The following GAS2 variants were observed in gnomAD, a reference collection of about 807,000 sequenced individuals.
The protein encoded by GAS2 is growth arrest-specific protein 2.
A neutral mutation model predicts 37.5 loss-of-function variants in GAS2; 20 were observed. That is an observed-to-expected ratio of 0.53 (90% CI 0.37 to 0.77). The LOEUF (loss-of-function observed/expected upper bound fraction) is 0.77, where lower values mean the gene tolerates loss of function less well. GAS2 is among the 30% of genes least tolerant of loss of function. The pLI is 0.00. For missense variants in GAS2, 336 were observed against 373.4 expected, an observed-to-expected ratio of 0.90 and a Z score of 0.82; for synonymous variants, 144 against 132.2, an observed-to-expected ratio of 1.09 and a Z score of -0.61.
chr11:22,686,487 G>A (rs764312798), intron 3 of GAS2, among the ~76,000 whole-genome samples: 4 of 140,628 alleles, frequency 2.8e-5, no homozygotes, highest in Admixed American at 7.8e-5. Context: ...AGGCTGAGGC[G>A]GGCAGATCAC....
intron 3 of GAS2, among the ~76,000 whole-genome samples, chr11:22,707,491 C>T (rs1851184725): frequency 6.6e-6 from 1 of 152,136 alleles, no homozygotes; most frequent in Admixed American, 6.6e-5. Context: ...TGACTCTCAG[C>T]TGATCTAGAC....
chr11:22,645,701 T>A lies in GAS2; in HGVS notation c.-21+19888T>A, dbSNP rs1438194467. On this transcript the variant is annotated intron_variant, in intron 1 of 5. Coordinates refer to the GAS2 transcript ENST00000528582. ...CCAAATAAATAAAGAATGTCAAATT[T>A]TATAGTGAAAATTTTTGTTAGTCAA... 7.2e-5 allele frequency among the ~76,000 whole-genome samples: 11 copies of A among 151,974 alleles called. 1 individual carries two copies. Among genetic ancestry groups the A allele is most frequent in the Admixed American group, 7.2e-4 (11 of 15,236 alleles).
At chr11:22,638,736 T>C (rs1858872701) in intron 1 of GAS2, among the ~76,000 whole-genome samples, 1 of 152,164 alleles carries the variant, frequency 6.6e-6, no homozygotes, top group Admixed American at 6.6e-5. Context: ...TTATTTTTAC[T>C]CTGAACAATA....
Position 22,740,985 on chromosome 11 carries a change from G to A in GAS2, c.473+3217G>A, listed in dbSNP as rs544230339. ...TTTGTGTTTTTCATCATTGATAGAC[G>A]ATGTATTCTTATATTTGATTCTAAA... is the stretch of plus-strand genomic sequence containing the variant. On this transcript the variant is annotated intron_variant, in intron 5 of 7. Transcript: ENST00000454584. Among the ~76,000 whole-genome samples the A allele has an allele frequency of 2.6e-5, 4 of 152,218 alleles. No individual in the cohort carries two copies. In the South Asian group the frequency reaches 6.2e-4, roughly 24 times the overall value.
intron 5 of GAS2, among the ~76,000 whole-genome samples, chr11:22,744,357 A>G (rs1164452915): frequency 6.6e-6 from 1 of 152,060 alleles, no homozygotes; most frequent in African/African-American, 2.4e-5. Context: ...AAAGAAAACT[A>G]CAGGCCAATA....
intron 5 of GAS2, among the ~76,000 whole-genome samples, chr11:22,741,174 C>A (rs1335548714): frequency 6.6e-6 from 1 of 152,074 alleles, no homozygotes. Flanking sequence ...CTGAATGAGA[C>A]CACTTATTTT....
chr11:22,686,172 A>G (rs1216875414), intron 3 of GAS2, among the ~76,000 whole-genome samples: 1 of 152,226 alleles, frequency 6.6e-6, no homozygotes, highest in Non-Finnish European at 1.5e-5. Context: ...TTATGGCAGA[A>G]TACTAGAACA....
intron 4 of GAS2, among the ~76,000 whole-genome samples, chr11:22,728,843 C>T (rs1472278168): frequency 6.7e-6 from 1 of 150,052 alleles, no homozygotes; most frequent in Non-Finnish European, 1.5e-5. Context: ...ATAAGAAGTT[C>T]CATTTCCACA....
At chr11:22,643,844 A>G (rs887729270) in intron 1 of GAS2, among the ~76,000 whole-genome samples, 16 of 152,200 alleles carry the variant, frequency 1.1e-4, no homozygotes, top group African/African-American at 1.7e-4. Context: ...ACCTGCCAGG[A>G]AGGACATTTT....
chr11:22,661,823 T>C (rs1848920287), upstream of GAS2, among the ~76,000 whole-genome samples: 1 of 152,198 alleles, frequency 6.6e-6, no homozygotes, highest in South Asian at 2.1e-4. Flanking sequence ...TCACTTTTTA[T>C]TGATTTTCCC....
chr11:22,633,040 G>A (rs1409889400), intron 1 of GAS2, among the ~76,000 whole-genome samples: 1 of 151,492 alleles, frequency 6.6e-6, no homozygotes, highest in Non-Finnish European at 1.5e-5. Flanking sequence ...TCAACCTCTT[G>A]AACTCTTTAT....
At position 22,705,456 on chromosome 11, in the gene GAS2, A is replaced by G. The variant is rs73480090; in HGVS notation, c.267+19667A>G. Among the ~76,000 whole-genome samples, 561 of 152,328 alleles carry G rather than the reference A, an allele frequency of 3.7e-3. 3 individuals carry two copies. The highest frequency in any genetic ancestry group is 0.012 in the African/African-American group (485 of 41,580). On this transcript the variant is annotated intron_variant, in intron 3 of 7. Transcript: ENST00000454584. ...CAGACTTTTCAACTGCTAAACATTTATTGAATGCTAACTGTGTACAAGATC... is the reference window on the plus strand; with the variant it reads ...CAGACTTTTCAACTGCTAAACATTTGTTGAATGCTAACTGTGTACAAGATC...
In GAS2 at chr11:22,652,113, C is replaced by T; in HGVS notation, c.-20-22737C>T. 1.3e-5 allele frequency among the ~76,000 whole-genome samples: 2 copies of T among 152,100 alleles called. 1 individual carries two copies. Among genetic ancestry groups the T allele is most frequent in the East Asian group, 3.9e-4 (2 of 5,182 alleles). On this transcript the variant is annotated intron_variant, in intron 1 of 5. Transcript: ENST00000528582. ...TGGGTTTTTGGTGTGGATGTCCTTT[C>T]TGTTTGTTAGTTTTCCTTCTAAGAG...
At chr11:22,770,267 A>G (rs1047984280) in intron 7 of GAS2, among the ~76,000 whole-genome samples, 4 of 152,194 alleles carry the variant, frequency 2.6e-5, no homozygotes, top group African/African-American at 9.7e-5. Context: ...ATACCTATGT[A>G]ACAAACCTGC....
At chr11:22,674,219 T>A (rs1360857596) in intron 1 of GAS2, among the ~76,000 whole-genome samples, 2 of 151,402 alleles carry the variant, frequency 1.3e-5, no homozygotes, top group African/African-American at 2.4e-5. Context: ...TTTTTTATTT[T>A]TTTTTTTTAT....
At chr11:22,807,285 T>C (rs546061652) in intron 7 of GAS2, among the ~76,000 whole-genome samples, 1 of 152,330 alleles carries the variant, frequency 6.6e-6, no homozygotes, top group East Asian at 1.9e-4. Flanking sequence ...CTAAGGCTGA[T>C]ACCTAGGAGA....
intron 3 of GAS2, among the ~76,000 whole-genome samples, chr11:22,707,008 CT>C (rs1851158895): frequency 6.6e-6 from 1 of 152,066 alleles, no homozygotes; most frequent in African/African-American, 2.4e-5. Flanking sequence ...TGTTTCCTGA[CT>C]TTTTAATGAT....
At chr11:22,678,620 G>C (rs1246839595) in intron 2 of GAS2, among the ~76,000 whole-genome samples, 6 of 151,916 alleles carry the variant, frequency 3.9e-5, no homozygotes, top group Non-Finnish European at 8.8e-5. Flanking sequence ...TTTCTAGTAT[G>C]CTTGTCTAAA....
chr11:22,629,551 T>A (rs1858716419), intron 1 of GAS2, among the ~76,000 whole-genome samples: 1 of 152,226 alleles, frequency 6.6e-6, no homozygotes, highest in Non-Finnish European at 1.5e-5. Context: ...ATTTCCCTGA[T>A]AATTAGGGAT....
Sources: allele counts gnomAD v4.1 joint callset (sites outside exome capture counted in the v4.1 genomes callset), GRCh38; gene constraint gnomAD v4.1.1; transcripts MANE v1.5; gene names NCBI Gene and HGNC (gene_info 2026-07-23, HGNC 2026-07-21).